Variants in RARB observed in about 807,000 individuals in gnomAD.
RARB encodes retinoic acid receptor beta.
In RARB, 17 loss-of-function variants were observed where a neutral mutation model predicts 51.9. The observed-to-expected ratio is 0.33, with a 90% CI of 0.22 to 0.49. RARB has a LOEUF of 0.49. Among genes scored for constraint, RARB ranks in the 20% least tolerant of loss-of-function variants. RARB has a pLI of 0.99. For missense variants in RARB, 369 were observed against 550.8 expected (o/e 0.67, Z 3.30); for synonymous variants, 215 against 195.4 (o/e 1.10, Z -0.84).
chr3:24,852,490 C>T (rs1383429812), intron 1 of RARB, among the ~76,000 whole-genome samples: 1 of 152,056 alleles, frequency 6.6e-6, no homozygotes, highest in African/African-American at 2.4e-5. Flanking sequence ...CTTTATGACC[C>T]AGGATTTCTA....
At chr3:25,013,518 C>G (rs1246082623) in intron 2 of RARB, among the ~76,000 whole-genome samples, 1 of 152,104 alleles carries the variant, frequency 6.6e-6, no homozygotes, top group South Asian at 2.1e-4. Flanking sequence ...GAAGACTGAC[C>G]CTCATGCTTG....
chr3:25,081,497 C>G (rs1698993280), intron 3 of RARB, among the ~76,000 whole-genome samples: 1 of 145,686 alleles, frequency 6.9e-6, no homozygotes, highest in African/African-American at 2.5e-5. Context: ...GATGTATCAG[C>G]TCCTGAGAGA....
chr3:24,940,342 A>G (rs543689857), intron 2 of RARB, among the ~76,000 whole-genome samples: 12 of 152,324 alleles, frequency 7.9e-5, no homozygotes, highest in Admixed American at 4.6e-4. Flanking sequence ...ACTAAGATAC[A>G]GGTCTGTGAT....
At chr3:25,330,453 C>G (rs1405626232) in intron 5 of RARB, among the ~76,000 whole-genome samples, 1 of 152,148 alleles carries the variant, frequency 6.6e-6, no homozygotes, top group East Asian at 1.9e-4. Flanking sequence ...CCTTTACAGA[C>G]AAGCAAATGC....
At chr3:24,986,832 C>A (rs1052901758) in intron 2 of RARB, among the ~76,000 whole-genome samples, 1 of 152,054 alleles carries the variant, frequency 6.6e-6, no homozygotes, top group Non-Finnish European at 1.5e-5. Context: ...GCGGTGAACT[C>A]CTACCCCTTT....
chr3:25,354,529 A>C (rs1186637144), intron 5 of RARB, among the ~76,000 whole-genome samples: 1 of 152,158 alleles, frequency 6.6e-6, no homozygotes, highest in East Asian at 1.9e-4. Context: ...ATCATAAGCC[A>C]TGGAATACCT....
chr3:25,417,201 A>C (rs1707727605), intron 5 of RARB, among the ~76,000 whole-genome samples: 1 of 151,576 alleles, frequency 6.6e-6, no homozygotes, highest in Admixed American at 6.6e-5. Context: ...AACCAATTAA[A>C]AAAAAAAAAA....
intron 5 of RARB, among the ~76,000 whole-genome samples, chr3:25,320,429 C>A (rs1030900373): frequency 6.6e-6 from 1 of 152,154 alleles, no homozygotes; most frequent in Non-Finnish European, 1.5e-5. Flanking sequence ...TATTTGACTG[C>A]AGAAAAGGAG....
At chr3:25,336,370 T>C (rs1176599527) in intron 5 of RARB, among the ~76,000 whole-genome samples, 1 of 152,208 alleles carries the variant, frequency 6.6e-6, no homozygotes, top group South Asian at 2.1e-4. Flanking sequence ...ACTTCAGTAC[T>C]TACTATTTTC....
At chr3:25,306,419 G>T (rs1320126086) in intron 5 of RARB, among the ~76,000 whole-genome samples, 1 of 151,438 alleles carries the variant, frequency 6.6e-6, no homozygotes, top group Admixed American at 6.6e-5. Flanking sequence ...TTCATTTTCT[G>T]TTTACATGTA....
At chr3:24,983,738 C>T (rs1696727275) in intron 2 of RARB, among the ~76,000 whole-genome samples, 1 of 151,942 alleles carries the variant, frequency 6.6e-6, no homozygotes, top group Admixed American at 6.6e-5. Flanking sequence ...TTTGGTCTGT[C>T]TGCTTCTCCT....
chr3:25,498,514 C>G (rs1697147287), intron 2 of RARB, among the ~76,000 whole-genome samples: 1 of 152,144 alleles, frequency 6.6e-6, no homozygotes, highest in African/African-American at 2.4e-5. Flanking sequence ...TGAAATCCAG[C>G]CAAAAATCTG....
intron 2 of RARB, among the ~76,000 whole-genome samples, chr3:24,866,400 C>T (rs1036338343): frequency 5.3e-5 from 8 of 152,134 alleles, no homozygotes; most frequent in African/African-American, 1.9e-4. Context: ...TTTAAACTGA[C>T]ATGTATACAG....
chr3:25,002,517 T>TA, intron 2 of RARB, among the ~76,000 whole-genome samples: 1 of 152,288 alleles, frequency 6.6e-6, no homozygotes, highest in Middle Eastern at 3.4e-3. Flanking sequence ...GCATCCAGTT[T>TA]ATCTTATTTT....
intron 5 of RARB, among the ~76,000 whole-genome samples, chr3:25,251,870 G>A (rs1328078913): frequency 6.6e-6 from 1 of 152,054 alleles, no homozygotes. Flanking sequence ...TTTTGAAAAA[G>A]TGCAATTTAT....
Position 25,154,567 on chromosome 3 carries a change from G to C in RARB, c.-279-19552G>C, listed in dbSNP as rs192469745. Reference sequence around the variant, plus strand: ...CCACACAGCTGCCAAAGTGGCCTTTGCATATCTCACAATGTCATGTCCCTA... The same window carrying C: ...CCACACAGCTGCCAAAGTGGCCTTTCCATATCTCACAATGTCATGTCCCTA... On this transcript the variant is annotated intron_variant, in intron 4 of 11. Coordinates refer to the RARB transcript ENST00000383772. Among the ~76,000 whole-genome samples the C allele has an allele frequency of 2.0e-5, 3 of 152,296 alleles. No individual in the cohort carries two copies. In the East Asian group the frequency reaches 5.8e-4, roughly 29 times the overall value.
intron 5 of RARB, among the ~76,000 whole-genome samples, chr3:25,240,591 T>C (rs1702408128): frequency 6.6e-6 from 1 of 152,188 alleles, no homozygotes; most frequent in Non-Finnish European, 1.5e-5. Flanking sequence ...TGAGTGATCA[T>C]ACAGTTTTTG....
chr3:25,499,642 A>C (rs1289753012), intron 2 of RARB, among the ~76,000 whole-genome samples: 1 of 127,438 alleles, frequency 7.8e-6, no homozygotes, highest in Non-Finnish European at 1.6e-5. Context: ...TTAAAAAGCA[A>C]AAAACTCTTT....
intron 2 of RARB, among the ~76,000 whole-genome samples, chr3:24,886,774 T>C (rs553091667): frequency 6.6e-6 from 1 of 152,242 alleles, no homozygotes; most frequent in South Asian, 2.1e-4. Flanking sequence ...AACTTGATCC[T>C]ACATAGAAAA....
Sources: gnomAD v4.1 joint callset for allele counts (sites outside exome capture counted in the v4.1 genomes callset) on GRCh38, gnomAD v4.1.1 for gene constraint, MANE v1.5 for transcripts, NCBI Gene and HGNC (gene_info 2026-07-23, HGNC 2026-07-21) for gene names.